Variants in EPHA6 observed in about 807,000 individuals in gnomAD.
EPHA6 encodes the protein ephrin type-A receptor 6.
In EPHA6, 50 loss-of-function variants were observed where a neutral mutation model predicts 112.0. The observed-to-expected ratio is 0.45, with a 90% CI of 0.36 to 0.56. The LOEUF is 0.56. EPHA6 is among the 20% of genes least tolerant of loss of function. EPHA6 has a pLI of 0.00. For synonymous variants in EPHA6, 529 were observed against 490.7 expected, an observed-to-expected ratio of 1.08 and a Z score of -1.03; for missense variants, 1,280 against 1,417.4, an observed-to-expected ratio of 0.90 and a Z score of 1.56.
At chr3:97,086,976 G>A (rs1031306682) in intron 3 of EPHA6, among the ~76,000 whole-genome samples, 6 of 152,120 alleles carry the variant, frequency 3.9e-5, no homozygotes, top group Non-Finnish European at 8.8e-5. Flanking sequence ...TCCCTGCAAA[G>A]CATGTTGAAT....
At position 96,849,380 on chromosome 3, in the gene EPHA6, G is replaced by A. The variant is rs530367656; in HGVS notation, c.386-17445G>A. On this transcript the variant is annotated intron_variant, in intron 1 of 17. Transcript: ENST00000389672. Reference sequence around the variant, plus strand: ...ATTTAATTTAAAATCAAGTTTTACAGTATTTTATTTCTAGAATTCTAAATA... The same window carrying A: ...ATTTAATTTAAAATCAAGTTTTACAATATTTTATTTCTAGAATTCTAAATA... Among the ~76,000 whole-genome samples, 328 of 152,142 alleles carry A rather than the reference G, an allele frequency of 2.2e-3. 1 individual carries two copies. The highest frequency in any genetic ancestry group is 4.0e-3 in the Non-Finnish European group (272 of 67,990).
At chr3:97,407,863 C>T (rs113750283) in intron 6 of EPHA6, among the ~76,000 whole-genome samples, 34 of 152,168 alleles carry the variant, frequency 2.2e-4, no homozygotes, top group African/African-American at 7.7e-4. Flanking sequence ...AGTCCAAACC[C>T]GCTTCTATTC....
intron 3 of EPHA6, among the ~76,000 whole-genome samples, chr3:97,019,697 C>A (rs2044385216): frequency 6.6e-6 from 1 of 152,122 alleles, no homozygotes; most frequent in Non-Finnish European, 1.5e-5. Context: ...TCTGTTATAT[C>A]TCTGTGGCCA....
intron 3 of EPHA6, among the ~76,000 whole-genome samples, chr3:97,181,474 G>T (rs1053707297): frequency 1.3e-5 from 2 of 151,864 alleles, no homozygotes; most frequent in African/African-American, 4.8e-5. Context: ...CTTGTTTGTT[G>T]ACGTTCCCTA....
At chr3:96,834,054 T>C (rs1368064824) in intron 1 of EPHA6, among the ~76,000 whole-genome samples, 1 of 152,086 alleles carries the variant, frequency 6.6e-6, no homozygotes, top group Non-Finnish European at 1.5e-5. Flanking sequence ...TATAAATTAA[T>C]CTGAGTTGAT....
Position 97,245,466 on chromosome 3 carries a change from C to T in EPHA6, c.1606+1179C>T, listed in dbSNP as rs1392683546. Among the ~76,000 whole-genome samples the T allele has an allele frequency of 1.6e-4, 24 of 151,926 alleles. 1 individual carries two copies. The highest frequency in any genetic ancestry group is 1.6e-3 in the Admixed American group (24 of 15,214). On this transcript the variant is annotated intron_variant, in intron 5 of 17. Transcript: ENST00000389672. ...CATTCTGAGGTCCTAGGGGTTGTGA[C>T]TTCAACATATGAATATGTAGAAAGA...
At chr3:96,935,669 G>C (rs1455706024) in intron 2 of EPHA6, among the ~76,000 whole-genome samples, 2 of 147,386 alleles carry the variant, frequency 1.4e-5, no homozygotes, top group East Asian at 2.0e-4. Context: ...AGTTCAACTT[G>C]CCTTAAACAT....
At chr3:97,036,382 A>G (rs1318180711) in intron 3 of EPHA6, among the ~76,000 whole-genome samples, 2 of 152,058 alleles carry the variant, frequency 1.3e-5, no homozygotes, top group African/African-American at 4.8e-5. Flanking sequence ...ACCAAATAGT[A>G]TAATAACTAT....
chr3:96,938,821 G>A (rs2040759921), intron 2 of EPHA6, among the ~76,000 whole-genome samples: 1 of 152,076 alleles, frequency 6.6e-6, no homozygotes. Flanking sequence ...AGCATGAAGG[G>A]CTGTTGAATT....
chr3:96,874,492 C>G (rs184967190), intron 2 of EPHA6, among the ~76,000 whole-genome samples: 1 of 152,104 alleles, frequency 6.6e-6, no homozygotes, highest in Admixed American at 6.6e-5. Flanking sequence ...ATGGACTAGT[C>G]TAGTCCAAAA....
intron 10 of EPHA6, among the ~76,000 whole-genome samples, chr3:97,516,349 C>A (rs529776857): frequency 6.6e-6 from 1 of 152,146 alleles, no homozygotes; most frequent in Non-Finnish European, 1.5e-5. Flanking sequence ...CATGAGAAAT[C>A]TTGCATAATA....
At chr3:97,368,082 A>C (rs1341316274) in intron 5 of EPHA6, among the ~76,000 whole-genome samples, 1 of 152,170 alleles carries the variant, frequency 6.6e-6, no homozygotes, top group Non-Finnish European at 1.5e-5. Context: ...ACATTACTGT[A>C]TGTTGATAAA....
At chr3:97,258,997 A>T (rs1349226498) in intron 5 of EPHA6, among the ~76,000 whole-genome samples, 1 of 152,178 alleles carries the variant, frequency 6.6e-6, no homozygotes, top group Non-Finnish European at 1.5e-5. Context: ...CTTTCCATAC[A>T]TACAGGTCCT....
intron 14 of EPHA6, among the ~76,000 whole-genome samples, chr3:97,679,557 A>G (rs2031691235): frequency 6.6e-6 from 1 of 152,204 alleles, no homozygotes; most frequent in Non-Finnish European, 1.5e-5. Flanking sequence ...TGAAAGAATC[A>G]TTAACGGGAA....
At chr3:97,523,543 G>T (rs1433332362) in intron 10 of EPHA6, among the ~76,000 whole-genome samples, 1 of 151,964 alleles carries the variant, frequency 6.6e-6, no homozygotes, top group Non-Finnish European at 1.5e-5. Flanking sequence ...GGTCCATTTG[G>T]GGTAAAGGGT....
intron 9 of EPHA6, among the ~76,000 whole-genome samples, chr3:97,482,332 G>A (rs1189228493): frequency 2.6e-5 from 4 of 152,110 alleles, no homozygotes; most frequent in Non-Finnish European, 4.4e-5. Context: ...CTAGGTTTGA[G>A]GTTATAGAAC....
intron 5 of EPHA6, among the ~76,000 whole-genome samples, chr3:97,363,621 A>G (rs1292227319): frequency 6.6e-6 from 1 of 152,084 alleles, no homozygotes; most frequent in Non-Finnish European, 1.5e-5. Flanking sequence ...TAAAAATATA[A>G]TTACCATATT....
intron 5 of EPHA6, among the ~76,000 whole-genome samples, chr3:97,320,876 G>A (rs2082088031): frequency 6.9e-6 from 1 of 145,112 alleles, no homozygotes; most frequent in Non-Finnish European, 1.5e-5. Context: ...TTACATCCTT[G>A]TCAAGAGGTA....
intron 6 of EPHA6, among the ~76,000 whole-genome samples, chr3:97,427,445 A>T (rs760458995): frequency 4.6e-5 from 7 of 152,176 alleles, no homozygotes; most frequent in Non-Finnish European, 7.3e-5. Context: ...AGGAACAGAA[A>T]ACCAAATATT....
Sources: allele counts gnomAD v4.1 joint callset (sites outside exome capture counted in the v4.1 genomes callset), GRCh38; gene constraint gnomAD v4.1.1; transcripts MANE v1.5; gene names NCBI Gene and HGNC (gene_info 2026-07-23, HGNC 2026-07-21).